The following MACROD2 variants were observed in gnomAD, a reference collection of about 807,000 sequenced individuals.
The protein encoded by MACROD2 is mono-ADP ribosylhydrolase 2.
In MACROD2, 36 loss-of-function variants were observed where a neutral mutation model predicts 70.4. The observed-to-expected ratio is 0.51, with a 90% CI of 0.39 to 0.68. The LOEUF (loss-of-function observed/expected upper bound fraction) is 0.68. Ranked by LOEUF, MACROD2 falls within the 30% of genes least tolerant of loss-of-function variation. The pLI is 0.00. For missense variants in MACROD2, 496 were observed against 538.4 expected (o/e 0.92, Z 0.78); for synonymous variants, 172 against 178.8 (o/e 0.96, Z 0.30).
At chr20:14,273,852 G>T (rs1305158695) in intron 3 of MACROD2, among the ~76,000 whole-genome samples, 2 of 152,192 alleles carry the variant, frequency 1.3e-5, no homozygotes, top group African/African-American at 4.8e-5. Context: ...TACCATCAGA[G>T]AATACTACAA....
chr20:15,281,222 T>A (rs1397633282), intron 6 of MACROD2, among the ~76,000 whole-genome samples: 1 of 151,890 alleles, frequency 6.6e-6, no homozygotes, highest in Non-Finnish European at 1.5e-5. Context: ...GAGATTTGGG[T>A]GGGGACAAAG....
chr20:15,854,369 C>A (rs987716091), intron 8 of MACROD2, among the ~76,000 whole-genome samples: 1 of 152,102 alleles, frequency 6.6e-6, no homozygotes, highest in African/African-American at 2.4e-5. Context: ...TAAAAGCCAT[C>A]CCTGGTCAAC....
At chr20:14,075,364 TCTGA>T (rs2053904175) in intron 2 of MACROD2, among the ~76,000 whole-genome samples, 1 of 152,226 alleles carries the variant, frequency 6.6e-6, no homozygotes, top group South Asian at 2.1e-4. Context: ...AGAAATGTGT[TCTGA>T]CTGACAACAG....
intron 5 of MACROD2, among the ~76,000 whole-genome samples, chr20:14,929,890 G>A (rs1433636109): frequency 1.3e-5 from 2 of 152,060 alleles, no homozygotes; most frequent in South Asian, 2.1e-4. Context: ...TGCTGGGCGC[G>A]GTATCTCACG....
At chr20:15,861,694 C>A (rs1260906311) in intron 8 of MACROD2, among the ~76,000 whole-genome samples, 1 of 152,160 alleles carries the variant, frequency 6.6e-6, no homozygotes, top group African/African-American at 2.4e-5. Flanking sequence ...AACCCAGCCC[C>A]TACTTCTTGC....
At position 14,326,148 on chromosome 20, in the gene MACROD2, T is replaced by C; in HGVS notation, c.272-167331T>C. Reference sequence around the variant, plus strand: ...TGCGTTCCCCTGTTACAATTGTTTCTGTTATAGATCCAAATGCCGGGCTAT... The same window carrying C: ...TGCGTTCCCCTGTTACAATTGTTTCCGTTATAGATCCAAATGCCGGGCTAT... On this transcript the variant is annotated intron_variant, in intron 3 of 17. Coordinates refer to ENST00000684519, the MANE Select transcript of MACROD2 (RefSeq NM_001351661.2). This position sits in a 1 kb window ranked among gnomAD's most constrained non-coding sequence, Gnocchi z 5.5. 2 of 1,613,890 alleles carry C rather than the reference T, an allele frequency of 1.2e-6. No homozygotes were observed. Among genetic ancestry groups the C allele is most frequent in the African/African-American group, 2.7e-5 (2 of 75,040 alleles).
chr20:14,932,483 TGA>T (rs766770052), intron 5 of MACROD2, among the ~76,000 whole-genome samples: 4 of 152,178 alleles, frequency 2.6e-5, no homozygotes, highest in Non-Finnish European at 5.9e-5. Context: ...TCTTTGAGCA[TGA>T]GAGTCCATAC....
At chr20:15,325,658 G>T (rs1301391658) in intron 6 of MACROD2, among the ~76,000 whole-genome samples, 1 of 152,126 alleles carries the variant, frequency 6.6e-6, no homozygotes, top group Non-Finnish European at 1.5e-5. Flanking sequence ...GCTATGGCCT[G>T]TCTGCATCCT....
At chr20:14,512,032 T>G (rs2085036625) in intron 4 of MACROD2, among the ~76,000 whole-genome samples, 1 of 152,052 alleles carries the variant, frequency 6.6e-6, no homozygotes, top group Admixed American at 6.6e-5. Context: ...AACAGAGAGA[T>G]ACAGGCGGGA....
intron 8 of MACROD2, among the ~76,000 whole-genome samples, chr20:15,734,335 A>G (rs1308556858): frequency 6.6e-6 from 1 of 152,184 alleles, no homozygotes; most frequent in Non-Finnish European, 1.5e-5. Flanking sequence ...CCCAAGGATC[A>G]GACAATTTTC....
At chr20:16,012,041 C>T (rs752076633) in intron 15 of MACROD2, among the ~76,000 whole-genome samples, 7 of 152,180 alleles carry the variant, frequency 4.6e-5, no homozygotes, top group Non-Finnish European at 8.8e-5. Flanking sequence ...TCCAGGTCCC[C>T]CATTCAGGGA....
intron 8 of MACROD2, among the ~76,000 whole-genome samples, chr20:15,540,297 C>G (rs759054279): frequency 2.8e-4 from 42 of 152,112 alleles, no homozygotes; most frequent in Non-Finnish European, 8.8e-5. Flanking sequence ...TTCATTAGGA[C>G]ATGTATCCTA....
chr20:14,177,508 G>A (rs1406443432), intron 3 of MACROD2, among the ~76,000 whole-genome samples: 1 of 151,976 alleles, frequency 6.6e-6, no homozygotes, highest in East Asian at 1.9e-4. Context: ...TAGAGACGGG[G>A]TTTCTTCTTA....
At chr20:14,695,762 G>C (rs910572870) in intron 5 of MACROD2, among the ~76,000 whole-genome samples, 4 of 152,210 alleles carry the variant, frequency 2.6e-5, no homozygotes, top group African/African-American at 9.7e-5. Context: ...CAAGCTTTCC[G>C]ATGTCTGCAG....
chr20:14,933,050 T>C (rs1380078783), intron 5 of MACROD2, among the ~76,000 whole-genome samples: 1 of 152,132 alleles, frequency 6.6e-6, no homozygotes, highest in Non-Finnish European at 1.5e-5. Flanking sequence ...AGAATAGTCT[T>C]CAGAGAAAAA....
chr20:14,225,681 C>G (rs1444104123), intron 3 of MACROD2, among the ~76,000 whole-genome samples: 3 of 152,138 alleles, frequency 2.0e-5, no homozygotes, highest in Non-Finnish European at 2.9e-5. Context: ...TATAACTGAC[C>G]AATCTATATT....
At chr20:15,495,352 G>A (rs572033785) in intron 7 of MACROD2, among the ~76,000 whole-genome samples, 1 of 152,230 alleles carries the variant, frequency 6.6e-6, no homozygotes, top group Non-Finnish European at 1.5e-5. Context: ...CTGAAAGCAG[G>A]CATATTATCA....
chr20:15,615,263 C>G (rs1488189610), intron 8 of MACROD2, among the ~76,000 whole-genome samples: 2 of 152,088 alleles, frequency 1.3e-5, no homozygotes, highest in Non-Finnish European at 2.9e-5. Flanking sequence ...GAATTCACCC[C>G]CTCTCCATGT....
At chr20:14,861,135 A>C (rs1343756629) in intron 5 of MACROD2, among the ~76,000 whole-genome samples, 1 of 152,164 alleles carries the variant, frequency 6.6e-6, no homozygotes, top group East Asian at 1.9e-4. Flanking sequence ...ATTGTTACAA[A>C]GTGTGGGCAG....
Sources: gnomAD v4.1 joint callset for allele counts (sites outside exome capture counted in the v4.1 genomes callset) on GRCh38, gnomAD v4.1.1 for gene constraint, Gnocchi (gnomAD v3.1) non-coding constraint, MANE v1.5 for transcripts, NCBI Gene and HGNC (gene_info 2026-07-23, HGNC 2026-07-21) for gene names.